Variants in BMP5 observed in about 807,000 individuals in gnomAD.
BMP5 encodes the protein bone morphogenetic protein 5.
In BMP5, 23 loss-of-function variants were observed where a neutral mutation model predicts 46.6. That is an observed-to-expected ratio of 0.49 (90% CI 0.35 to 0.70). The LOEUF (loss-of-function observed/expected upper bound fraction) is 0.70, where lower values mean the gene tolerates loss of function less well. BMP5 is among the 30% of genes least tolerant of loss of function. The pLI is 0.00. For synonymous variants in BMP5, 204 were observed against 191.9 expected (o/e 1.06, Z -0.52); for missense variants, 545 against 565.6 (o/e 0.96, Z 0.37).
rs1265768141 is a variant in BMP5 at position 55,874,736 on chromosome 6, G to A, written c.130C>T (p.Arg44Trp). The A allele has an allele frequency of 3.1e-6, 5 of 1,613,390 alleles. No homozygotes were observed. Among genetic ancestry groups the A allele is most frequent in the South Asian group, 1.1e-5 (1 of 91,066 alleles). The change falls in exon 1 of 7, where the codon CGG becomes TGG. Residue 44 changes from arginine (R) to tryptophan (W), a missense_variant. Arg to Trp is a moderately radical substitution (Grantham distance 101). Coordinates refer to ENST00000370830, the MANE Select transcript of BMP5 (RefSeq NM_021073.4). ...TGTATTTCCCGTCTTTCGTGGTTCC[G>A]TAGTCTTCTATAAATAAAACTGGAG... Reference protein sequence around the residue: ...VHSSFIYRRLRNHERREIQRE... With the variant: ...VHSSFIYRRLWNHERREIQRE...
In BMP5 at chr6:55,799,328, G is replaced by A. The variant is rs150264591; in HGVS notation, c.684-4901C>T. ...TTTTGGGAAAGTATTATTTAGAGAA[G>A]AACATTACCTTCAAATAACCTCTAT... On this transcript the variant is annotated intron_variant, in intron 2 of 6. Coordinates refer to ENST00000370830, the MANE Select transcript of BMP5 (RefSeq NM_021073.4). 2.7e-3 allele frequency among the ~76,000 whole-genome samples: 406 copies of A among 152,166 alleles called. 2 individuals carry two copies. Among genetic ancestry groups the A allele is most frequent in the African/African-American group, 8.5e-3 (353 of 41,492 alleles).
At chr6:55,846,993 C>CAA (rs199516470) in intron 1 of BMP5, among the ~76,000 whole-genome samples, 7 of 148,738 alleles carry the variant, frequency 4.7e-5, no homozygotes, top group African/African-American at 1.7e-4. Context: ...TCTAAAATTT[C>CAA]AAAAAAAAAG....
chr6:55,847,785 T>G (rs1777135199), intron 1 of BMP5, among the ~76,000 whole-genome samples: 1 of 151,880 alleles, frequency 6.6e-6, no homozygotes, highest in African/African-American at 2.4e-5. Flanking sequence ...GTAGAGTATC[T>G]TAGCCATCAA....
chr6:55,770,612 A>G (rs182267916), intron 4 of BMP5, among the ~76,000 whole-genome samples: 2 of 152,082 alleles, frequency 1.3e-5, no homozygotes, highest in Non-Finnish European at 2.9e-5. Context: ...TGCAGTCACA[A>G]CTTGACAACT....
chr6:55,831,949 C>CAG (rs1353297034), intron 1 of BMP5, among the ~76,000 whole-genome samples: 1 of 152,006 alleles, frequency 6.6e-6, no homozygotes, highest in Non-Finnish European at 1.5e-5. Context: ...AGGTCTAACA[C>CAG]AGAGAGAGAC....
chr6:55,862,646 A>G (rs888202465), intron 1 of BMP5, among the ~76,000 whole-genome samples: 3 of 152,188 alleles, frequency 2.0e-5, no homozygotes, highest in Non-Finnish European at 4.4e-5. Flanking sequence ...AACACAAACA[A>G]TGAATGTTTG....
At chr6:55,814,064 C>A (rs1776199307) in intron 2 of BMP5, among the ~76,000 whole-genome samples, 1 of 152,060 alleles carries the variant, frequency 6.6e-6, no homozygotes, top group African/African-American at 2.4e-5. Context: ...CTTGTGTTTT[C>A]AGCTATTATT....
intron 2 of BMP5, among the ~76,000 whole-genome samples, chr6:55,817,417 G>C (rs1040568533): frequency 6.6e-6 from 1 of 152,134 alleles, no homozygotes; most frequent in Non-Finnish European, 1.5e-5. Flanking sequence ...ATACTATGCA[G>C]CCATAAAAAA....
Position 55,817,904 on chromosome 6 carries a change from C to A in BMP5, c.683+1751G>T, listed in dbSNP as rs192939674. Reference sequence around the variant, plus strand: ...AGAAAAACAATGTACATAATGGAAACCCTGATGAGTCCATCATATTGATGG... The same window carrying A: ...AGAAAAACAATGTACATAATGGAAAACCTGATGAGTCCATCATATTGATGG... On this transcript the variant is annotated intron_variant, in intron 2 of 6. Coordinates refer to ENST00000370830, the MANE Select transcript of BMP5 (RefSeq NM_021073.4). Among the ~76,000 whole-genome samples, 13 of 152,152 alleles carry A rather than the reference C, an allele frequency of 8.5e-5. No individual in the cohort carries two copies. In the East Asian group the frequency reaches 2.1e-3, roughly 25 times the overall value.
intron 2 of BMP5, among the ~76,000 whole-genome samples, chr6:55,796,590 G>C (rs991136429): frequency 6.6e-6 from 1 of 151,226 alleles, no homozygotes; most frequent in African/African-American, 2.4e-5. Context: ...ATGCTGGTGC[G>C]CTGCACCTAC....
At chr6:55,849,559 A>G (rs1198761569) in intron 1 of BMP5, among the ~76,000 whole-genome samples, 5 of 152,032 alleles carry the variant, frequency 3.3e-5, no homozygotes, top group African/African-American at 1.2e-4. Context: ...TATTTAAGGA[A>G]GAGCAAAAGG....
At chr6:55,872,475 A>C (rs1777808995) in intron 1 of BMP5, among the ~76,000 whole-genome samples, 1 of 151,640 alleles carries the variant, frequency 6.6e-6, no homozygotes, top group Non-Finnish European at 1.5e-5. Context: ...TGTTATTATA[A>C]TCTGAACAAT....
At chr6:55,765,803 A>G (rs1197936784) in intron 4 of BMP5, among the ~76,000 whole-genome samples, 1 of 152,188 alleles carries the variant, frequency 6.6e-6, no homozygotes, top group East Asian at 1.9e-4. Flanking sequence ...AGACACCACA[A>G]AATAACTCTG....
intron 2 of BMP5, among the ~76,000 whole-genome samples, chr6:55,818,242 T>C (rs778380381): frequency 1.3e-5 from 2 of 149,830 alleles, no homozygotes; most frequent in Non-Finnish European, 3.0e-5. Flanking sequence ...GCAGCATTAG[T>C]GTCTGGCTTT....
At chr6:55,847,612 GA>G (rs1157063311) in intron 1 of BMP5, among the ~76,000 whole-genome samples, 1 of 151,678 alleles carries the variant, frequency 6.6e-6, no homozygotes, top group Non-Finnish European at 1.5e-5. Flanking sequence ...TATATTAATG[GA>G]AAAAAATCAA....
Position 55,874,504 on chromosome 6 carries a change from T to C in BMP5, c.362A>G (p.Asn121Ser), listed in dbSNP as rs35124644. Residue 121 changes from asparagine (N) to serine (S), a missense_variant, in exon 1 of 7, where the codon AAT becomes AGT. Asn to Ser is a conservative substitution (Grantham distance 46). Transcript: ENST00000370830. ...TAACTGTATGCGACGAGGATACCCA[T>C]TGGGAGAGGCTGGGTATCCCTTTCT... ...GARKGYPASP[N>S]GYPRRIQLSR... 2,638 of 1,613,422 alleles carry C rather than the reference T, an allele frequency of 1.6e-3. 32 individuals are homozygous for C. In the African/African-American group the frequency reaches 0.028, roughly 17 times the overall value.
chr6:55,786,633 A>C, intron 3 of BMP5, among the ~76,000 whole-genome samples: 1 of 151,854 alleles, frequency 6.6e-6, no homozygotes, highest in East Asian at 1.9e-4. Flanking sequence ...TTATTCTTAA[A>C]TATTAATCCA....
In BMP5 at chr6:55,819,712, A is replaced by T; in HGVS notation, c.626T>A (p.Phe209Tyr). ...GCTAATCTTAATTGTTTCATTTTCA[A>T]ATCGGTTGTTGCTCCGGTCCTTGTA... ...RIYKDRSNNRFENETIKISIY... is the reference protein window; with the variant it reads ...RIYKDRSNNRYENETIKISIY... Residue 209 changes from phenylalanine to tyrosine, a missense_variant, in exon 2 of 7, where the codon TTT (phenylalanine) becomes TAT (tyrosine). Phe to Tyr is a conservative substitution (Grantham distance 22). Transcript: ENST00000370830. 1.2e-6 allele frequency: 2 copies of T among 1,613,822 alleles called. No individual in the cohort carries two copies. Among genetic ancestry groups the T allele is most frequent in the Non-Finnish European group, 1.7e-6 (2 of 1,179,876 alleles).
At chr6:55,823,755 A>G (rs765971593) in intron 1 of BMP5, among the ~76,000 whole-genome samples, 6 of 151,944 alleles carry the variant, frequency 3.9e-5, no homozygotes, top group Non-Finnish European at 7.4e-5. Flanking sequence ...TGATGCTCCC[A>G]TAATAAAGAC....
Sources: gnomAD v4.1 joint callset for allele counts (sites outside exome capture counted in the v4.1 genomes callset) on GRCh38, gnomAD v4.1.1 for gene constraint, MANE v1.5 for transcripts, NCBI Gene and HGNC (gene_info 2026-07-23, HGNC 2026-07-21) for gene names.